The following CXCL13 variants were observed in gnomAD, a reference collection of about 807,000 sequenced individuals.
CXCL13 encodes C-X-C motif chemokine 13.
Under a neutral mutation model 12.2 loss-of-function variants are expected in CXCL13, and 7 were observed. The ratio of observed to expected loss-of-function variants is 0.57; its 90% CI spans 0.33 to 1.07. The LOEUF is 1.07. CXCL13 is among the 50% of genes least tolerant of loss of function. The pLI is 0.04. For synonymous variants in CXCL13, 47 were observed against 42.4 expected, an observed-to-expected ratio of 1.11 and a Z score of -0.42; for missense variants, 113 against 127.4, an observed-to-expected ratio of 0.89 and a Z score of 0.55.
intron 1 of CXCL13, among the ~76,000 whole-genome samples, chr4:77,517,684 T>C (rs1430007433): frequency 1.3e-5 from 2 of 152,210 alleles, no homozygotes; most frequent in Non-Finnish European, 2.9e-5. Flanking sequence ...ATCCCTTTAT[T>C]TTGAGCCTAT....
chr4:77,593,432 GA>G (rs1726667995), intron 1 of CXCL13, among the ~76,000 whole-genome samples: 1 of 152,216 alleles, frequency 6.6e-6, no homozygotes, highest in Non-Finnish European at 1.5e-5. Flanking sequence ...CCATCACGAT[GA>G]ATGAGTGGAC....
chr4:77,590,813 G>A (rs186003475), intron 1 of CXCL13, among the ~76,000 whole-genome samples: 22 of 152,178 alleles, frequency 1.4e-4, no homozygotes, highest in African/African-American at 5.1e-4. Flanking sequence ...GACCAGAATG[G>A]GCATGTTAAA....
chr4:77,591,664 C>T (rs971460757), intron 1 of CXCL13, among the ~76,000 whole-genome samples: 1 of 151,516 alleles, frequency 6.6e-6, no homozygotes, highest in Non-Finnish European at 1.5e-5. Context: ...AATTTTGATT[C>T]TGTAATTTGG....
At chr4:77,514,343 A>G (rs1297430362) in intron 1 of CXCL13, among the ~76,000 whole-genome samples, 44 of 146,170 alleles carry the variant, frequency 3.0e-4, no homozygotes, top group African/African-American at 6.3e-4. Flanking sequence ...GCTGGGTCAA[A>G]TGGTATTTCT....
intron 1 of CXCL13, among the ~76,000 whole-genome samples, chr4:77,578,884 C>T (rs1360855839): frequency 6.6e-6 from 1 of 152,214 alleles, no homozygotes; most frequent in Non-Finnish European, 1.5e-5. Flanking sequence ...CTGATGGTTT[C>T]CAACCTCTCC....
intron 1 of CXCL13, among the ~76,000 whole-genome samples, chr4:77,532,511 A>T (rs985818330): frequency 6.6e-6 from 1 of 152,050 alleles, no homozygotes; most frequent in Non-Finnish European, 1.5e-5. Context: ...GGTGAATCTG[A>T]CAATTCTGTA....
At chr4:77,550,085 G>A (rs1725472721) in intron 1 of CXCL13, among the ~76,000 whole-genome samples, 2 of 152,180 alleles carry the variant, frequency 1.3e-5, no homozygotes, top group African/African-American at 4.8e-5. Context: ...CTGCCTCACA[G>A]TTCAATCTCA....
intron 1 of CXCL13, among the ~76,000 whole-genome samples, chr4:77,595,104 T>C (rs1468618788): frequency 2.0e-5 from 3 of 151,622 alleles, no homozygotes; most frequent in Non-Finnish European, 2.9e-5. Context: ...GGTGATTTTT[T>C]TTTTTTTTTT....
chr4:77,552,277 TAAC>T (rs1191181250), intron 1 of CXCL13, among the ~76,000 whole-genome samples: 3 of 152,126 alleles, frequency 2.0e-5, no homozygotes, highest in Non-Finnish European at 4.4e-5. Context: ...CCTATAATAA[TAAC>T]ATTTTTTTCC....
upstream of CXCL13, among the ~76,000 whole-genome samples, chr4:77,603,295 A>T (rs1206920219): frequency 6.6e-6 from 1 of 152,204 alleles, no homozygotes; most frequent in Non-Finnish European, 1.5e-5. Context: ...CAAAAACAGG[A>T]ATGTTATTGC....
At chr4:77,584,165 T>A (rs777550307) in intron 1 of CXCL13, among the ~76,000 whole-genome samples, 1 of 152,164 alleles carries the variant, frequency 6.6e-6, no homozygotes, top group Non-Finnish European at 1.5e-5. Flanking sequence ...TTCCATGGCC[T>A]AGATAGTCTT....
chr4:77,560,736 G>A (rs542469425), intron 1 of CXCL13, among the ~76,000 whole-genome samples: 1 of 152,142 alleles, frequency 6.6e-6, no homozygotes, highest in South Asian at 2.1e-4. Context: ...CATCACGCAC[G>A]GTCTTTCACA....
In CXCL13 at chr4:77,607,186, C is replaced by G. The variant is rs573314590; in HGVS notation, c.65-517C>G. On this transcript the variant is annotated intron_variant, in intron 1 of 3. Coordinates refer to ENST00000682537, the MANE Select transcript of CXCL13 (RefSeq NM_001371558.1). ...TTATGTGTTGGGAGTGAAGATAATC[C>G]ACTGGTTTTATATTGCATTAATTAT... Among the ~76,000 whole-genome samples the G allele has an allele frequency of 7.2e-5, 11 of 152,246 alleles. No individual in the cohort carries two copies. In the East Asian group the frequency reaches 2.1e-3, roughly 29 times the overall value.
At chr4:77,577,552 T>G (rs992918524) in intron 1 of CXCL13, among the ~76,000 whole-genome samples, 7 of 152,184 alleles carry the variant, frequency 4.6e-5, no homozygotes, top group African/African-American at 1.4e-4. Flanking sequence ...CTAGTATCCA[T>G]GGCATAAATG....
intron 1 of CXCL13, among the ~76,000 whole-genome samples, chr4:77,576,856 A>G (rs1333484319): frequency 6.6e-6 from 1 of 152,230 alleles, no homozygotes; most frequent in Admixed American, 6.5e-5. Context: ...CCGTCCTATC[A>G]TGATTTGTTT....
intron 1 of CXCL13, among the ~76,000 whole-genome samples, chr4:77,541,371 A>T (rs1725202835): frequency 6.6e-6 from 1 of 151,872 alleles, no homozygotes; most frequent in Non-Finnish European, 1.5e-5. Flanking sequence ...TTCTTCCAGG[A>T]TTCTTAATTT....
intron 1 of CXCL13, among the ~76,000 whole-genome samples, chr4:77,582,199 T>C (rs1726352815): frequency 6.6e-6 from 1 of 151,252 alleles, no homozygotes; most frequent in African/African-American, 2.4e-5. Flanking sequence ...GAATACCCCC[T>C]CCCTCTATAC....
chr4:77,572,212 C>T (rs1726103307), intron 1 of CXCL13, among the ~76,000 whole-genome samples: 1 of 151,760 alleles, frequency 6.6e-6, no homozygotes, highest in African/African-American at 2.4e-5. Flanking sequence ...ACCAGTCTGG[C>T]CAACAAGGTG....
intron 1 of CXCL13, among the ~76,000 whole-genome samples, chr4:77,556,177 T>C (rs974435603): frequency 6.6e-6 from 1 of 152,212 alleles, no homozygotes; most frequent in Non-Finnish European, 1.5e-5. Context: ...TTATTCATAA[T>C]ATCCTAAAAC....
Sources: gnomAD v4.1 joint callset for allele counts (sites outside exome capture counted in the v4.1 genomes callset) on GRCh38, gnomAD v4.1.1 for gene constraint, MANE v1.5 for transcripts, NCBI Gene and HGNC (gene_info 2026-07-23, HGNC 2026-07-21) for gene names.